The following LRRTM4 variants were observed in gnomAD, a reference collection of about 807,000 sequenced individuals.
LRRTM4 encodes the protein leucine-rich repeat transmembrane neuronal protein 4.
In LRRTM4, 25 loss-of-function variants were observed where a neutral mutation model predicts 47.6. The observed-to-expected ratio is 0.53, with a 90% CI of 0.38 to 0.73. LRRTM4 has a LOEUF of 0.73. LRRTM4 is among the 30% of genes least tolerant of loss of function. The probability of loss-of-function intolerance (pLI) is 0.00; values close to 1 mark genes in which losing one functional copy is unlikely to be tolerated. For missense variants in LRRTM4, 638 were observed against 713.4 expected (o/e 0.89, Z 1.20); for synonymous variants, 311 against 269.5 (o/e 1.15, Z -1.51).
chr2:77,134,985 A>G (rs1671895081), intron 3 of LRRTM4, among the ~76,000 whole-genome samples: 1 of 129,990 alleles, frequency 7.7e-6, no homozygotes, highest in South Asian at 2.4e-4. Context: ...AACACCCAAT[A>G]CCTTCTGAGG....
chr2:77,100,190 C>T (rs568197613), intron 3 of LRRTM4, among the ~76,000 whole-genome samples: 1 of 152,164 alleles, frequency 6.6e-6, no homozygotes, highest in Admixed American at 6.5e-5. Flanking sequence ...GAGAGAGTAT[C>T]CATCATTTTT....
intron 3 of LRRTM4, among the ~76,000 whole-genome samples, chr2:77,262,713 G>T (rs1260294364): frequency 6.6e-6 from 1 of 151,756 alleles, no homozygotes; most frequent in Non-Finnish European, 1.5e-5. Context: ...GTTAATATTT[G>T]TCTCATGGTA....
At chr2:76,928,473 G>A (rs2103826582) in intron 3 of LRRTM4, among the ~76,000 whole-genome samples, 1 of 152,218 alleles carries the variant, frequency 6.6e-6, no homozygotes, top group Admixed American at 6.5e-5. Flanking sequence ...ATCCACGGAG[G>A]AGCTTTGAGG....
intron 3 of LRRTM4, among the ~76,000 whole-genome samples, chr2:76,756,506 T>A (rs1335537216): frequency 6.6e-6 from 1 of 152,160 alleles, no homozygotes; most frequent in African/African-American, 2.4e-5. Flanking sequence ...CTTTGAACAA[T>A]TTAAAAGAGT....
chr2:77,060,006 G>A (rs1679734181), intron 3 of LRRTM4, among the ~76,000 whole-genome samples: 1 of 152,194 alleles, frequency 6.6e-6, no homozygotes, highest in African/African-American at 2.4e-5. Context: ...GCAGTTAAGA[G>A]CAGGAGTTAG....
chr2:77,400,109 T>C (rs1251461779), intron 3 of LRRTM4, among the ~76,000 whole-genome samples: 1 of 151,922 alleles, frequency 6.6e-6, no homozygotes, highest in African/African-American at 2.4e-5. Flanking sequence ...TCACTGCTTC[T>C]ATGAGATCAA....
chr2:77,005,900 T>C (rs1193336830), intron 3 of LRRTM4, among the ~76,000 whole-genome samples: 1 of 152,182 alleles, frequency 6.6e-6, no homozygotes, highest in East Asian at 1.9e-4. Flanking sequence ...TAACATCCTC[T>C]TGTGTTAGTG....
At chr2:77,455,751 T>C (rs1034165379) in intron 3 of LRRTM4, among the ~76,000 whole-genome samples, 4 of 152,070 alleles carry the variant, frequency 2.6e-5, no homozygotes, top group African/African-American at 9.7e-5. Context: ...ATACGCCAAA[T>C]TCCTTTTTTA....
At chr2:77,351,748 G>C in intron 3 of LRRTM4, among the ~76,000 whole-genome samples, 1 of 151,630 alleles carries the variant, frequency 6.6e-6, no homozygotes, top group East Asian at 1.9e-4. Context: ...CTACTTGGTA[G>C]TTAATGTGTG....
At chr2:76,900,500 G>C (rs534542823) in intron 3 of LRRTM4, among the ~76,000 whole-genome samples, 3 of 152,148 alleles carry the variant, frequency 2.0e-5, no homozygotes, top group African/African-American at 7.2e-5. Context: ...CAATGGGTTT[G>C]TTTTGGTCTT....
intron 3 of LRRTM4, among the ~76,000 whole-genome samples, chr2:77,282,567 G>A (rs1208510703): frequency 1.3e-5 from 2 of 151,700 alleles, no homozygotes; most frequent in African/African-American, 4.8e-5. Flanking sequence ...CAAAGCCAGA[G>A]GCATTATATA....
chr2:77,380,147 G>C (rs1558716335), intron 3 of LRRTM4, among the ~76,000 whole-genome samples: 1 of 151,880 alleles, frequency 6.6e-6, no homozygotes, highest in Non-Finnish European at 1.5e-5. Context: ...TTACAACAAG[G>C]GCAACTATTG....
chr2:76,853,598 T>C (rs1168552301), intron 3 of LRRTM4, among the ~76,000 whole-genome samples: 1 of 152,108 alleles, frequency 6.6e-6, no homozygotes, highest in African/African-American at 2.4e-5. Flanking sequence ...CCTATGGTAC[T>C]ACTTAAAATA....
chr2:76,899,352 CATAT>C (rs10588850), intron 3 of LRRTM4, among the ~76,000 whole-genome samples: 5 of 96,500 alleles, frequency 5.2e-5, no homozygotes, highest in African/African-American at 2.2e-4. Context: ...CACACACACA[CATAT>C]ATATATATAA....
Position 77,519,059 on chromosome 2 carries a change from C to G in LRRTM4, c.810G>C (p.Pro270=). The G allele has an allele frequency of 6.2e-7, 1 of 1,612,336 alleles. No individual in the cohort carries two copies. Among genetic ancestry groups the G allele is most frequent in the Non-Finnish European group, 8.5e-7 (1 of 1,179,214 alleles). Residue 270 remains proline, a synonymous_variant, in exon 3 of 4, where the codon CCG becomes CCC. Transcript: ENST00000409884. This position sits in a 1 kb window ranked among gnomAD's most constrained non-coding sequence, Gnocchi z 4.6. Reference sequence around the variant, plus strand: ...AATTGGGGAGGCATTTAAATGTGCCCGGCTCAATTCCTTGGATGTCATTCC... The same window carrying G: ...AATTGGGGAGGCATTTAAATGTGCCGGGCTCAATTCCTTGGATGTCATTCC... The part of the protein sequence containing the change: ...LSGNDIQGIE[P]GTFKCLPNLQ...
intron 3 of LRRTM4, among the ~76,000 whole-genome samples, chr2:77,235,411 C>T (rs982616686): frequency 1.3e-5 from 2 of 151,928 alleles, no homozygotes; most frequent in South Asian, 2.1e-4. Context: ...TGTTTCAGTG[C>T]CTTGCAGATT....
intron 3 of LRRTM4, among the ~76,000 whole-genome samples, chr2:77,298,329 C>T (rs930098095): frequency 6.6e-6 from 1 of 152,252 alleles, no homozygotes; most frequent in African/African-American, 2.4e-5. Flanking sequence ...CTCCGTCTCC[C>T]GGGTTCACGC....
At chr2:77,215,642 C>G (rs1006118078) in intron 3 of LRRTM4, among the ~76,000 whole-genome samples, 1 of 152,036 alleles carries the variant, frequency 6.6e-6, no homozygotes, top group South Asian at 2.1e-4. Flanking sequence ...TAGCTCTTAT[C>G]AATTTTATTT....
At chr2:77,131,238 G>T (rs942758710) in intron 3 of LRRTM4, among the ~76,000 whole-genome samples, 3 of 152,090 alleles carry the variant, frequency 2.0e-5, no homozygotes, top group Non-Finnish European at 2.9e-5. Flanking sequence ...TGATTTATAG[G>T]CATTTAATCA....
Sources: allele counts gnomAD v4.1 joint callset (sites outside exome capture counted in the v4.1 genomes callset), GRCh38; gene constraint gnomAD v4.1.1; non-coding constraint Gnocchi (gnomAD v3.1); transcripts MANE v1.5; gene names NCBI Gene and HGNC (gene_info 2026-07-23, HGNC 2026-07-21).